Variants in KIF1A observed in about 807,000 individuals in gnomAD.
KIF1A encodes the protein kinesin-like protein KIF1A.
In KIF1A, 46 loss-of-function variants were observed where a neutral mutation model predicts 227.3. The observed-to-expected ratio is 0.20, with a 90% CI of 0.16 to 0.26. KIF1A has a LOEUF of 0.26. Ranked by LOEUF, KIF1A falls within the 10% of genes least tolerant of loss-of-function variation. The pLI is 1.00. For synonymous variants in KIF1A, 1,022 were observed against 1,012.8 expected (o/e 1.01, Z -0.17); for missense variants, 1,683 against 2,485.9 (o/e 0.68, Z 6.87).
At position 240,743,925 on chromosome 2, in the gene KIF1A, C is replaced by T. The variant is rs533159208; in HGVS notation, c.3584+17G>A. ...TTGAGGACAGCAGCCCCGAACCCCC[C>T]GACCCAGGGCGCTAACCTGAGCACG... On this transcript the variant is annotated intron_variant, in intron 33 of 48. Transcript: ENST00000498729. The T allele has an allele frequency of 1.0e-5, 16 of 1,568,408 alleles. No homozygotes were observed. The highest frequency in any genetic ancestry group is 3.3e-4 in the Middle Eastern group (2 of 5,994).
At chr2:240,800,432 A>G in intron 1 of KIF1A, among the ~76,000 whole-genome samples, 1 of 152,176 alleles carries the variant, frequency 6.6e-6, no homozygotes, top group East Asian at 1.9e-4. Flanking sequence ...ATCAGTGTGC[A>G]GCCACAAGCC....
intron 37 of KIF1A, 60 bp from the exon 38 acceptor site, chr2:240,737,228 G>GCT (rs2047438694): frequency 7.3e-7 from 1 of 1,365,408 alleles, no homozygotes; most frequent in Non-Finnish European, 1.0e-6. Flanking sequence ...ACCCTGGGGG[G>GCT]CTGCCTCAGG....
chr2:240,730,923 C>T (rs1050029071), intron 38 of KIF1A, among the ~76,000 whole-genome samples: 1 of 152,216 alleles, frequency 6.6e-6, no homozygotes, highest in African/African-American at 2.4e-5. Flanking sequence ...TGTAGCCTCT[C>T]CACCTCCAGC....
At chr2:240,787,947 G>T in intron 4 of KIF1A, 104 bp downstream of exon 4, 1 of 1,135,286 alleles carries the variant, frequency 8.8e-7, no homozygotes, top group Non-Finnish European at 1.2e-6. Context: ...CTGACTCCCT[G>T]CTCTCTGGGG....
intron 15 of KIF1A, 130 bp downstream of exon 15, chr2:240,770,841 G>A: frequency 8.5e-7 from 1 of 1,174,162 alleles, no homozygotes; most frequent in Non-Finnish European, 1.2e-6. Context: ...CACGCCAGAG[G>A]CTCCTGCTGA....
At chr2:240,807,915 A>G (rs1002520457) in intron 1 of KIF1A, among the ~76,000 whole-genome samples, 1 of 152,218 alleles carries the variant, frequency 6.6e-6, no homozygotes, top group African/African-American at 2.4e-5. Context: ...GAGGCCCTCA[A>G]TAGATACTAA....
At chr2:240,780,145 G>T (rs1426335166) in intron 10 of KIF1A, among the ~76,000 whole-genome samples, 1 of 151,766 alleles carries the variant, frequency 6.6e-6, no homozygotes, top group Non-Finnish European at 1.5e-5. Flanking sequence ...GATCCCCCGA[G>T]TCCCTGACGC....
Position 240,726,933 on chromosome 2 carries a change from A to G in KIF1A, c.4015T>C (p.Tyr1339His). ...CTGTCCCACGCAGCCTCAAATTGGT[A>G]AAAGGTCCTGAAAGGAAGCAGAGAC... ...IHPAQDDRTF[Y>H]QFEAAWDSSM... The change falls in exon 39 of 49, where the codon TAC becomes CAC. Residue 1339 changes from tyrosine (Y) to histidine (H), a missense_variant. By Grantham distance (83) the Tyr-to-His change is moderately conservative. Transcript: ENST00000498729. The surrounding 1 kb of genome is among the most constrained non-coding windows in gnomAD (Gnocchi z 5.2). The G allele has an allele frequency of 6.3e-7, 1 of 1,598,312 alleles. No individual in the cohort carries two copies. The highest frequency in any genetic ancestry group is 8.6e-7 in the Non-Finnish European group (1 of 1,169,014).
At position 240,806,210 on chromosome 2, in the gene KIF1A, A is replaced by G. The variant is rs1205126899; in HGVS notation, c.-60-8398T>C. On this transcript the variant is annotated intron_variant, in intron 1 of 48. Coordinates refer to ENST00000498729, the MANE Select transcript of KIF1A (RefSeq NM_001244008.2). ...GACAGGTTGAGAAGATGGTGGTCAGAGTTTGGGTGGGCAGAGGCAGCTGGA... is the reference window on the plus strand; with the variant it reads ...GACAGGTTGAGAAGATGGTGGTCAGGGTTTGGGTGGGCAGAGGCAGCTGGA... 2.0e-5 allele frequency among the ~76,000 whole-genome samples: 3 copies of G among 152,322 alleles called. No homozygotes were observed. The East Asian group carries it at 5.8e-4, about 29-fold the overall frequency.
intron 7 of KIF1A, among the ~76,000 whole-genome samples, chr2:240,784,060 G>A (rs1023116295): frequency 2.0e-5 from 3 of 152,292 alleles, no homozygotes; most frequent in Non-Finnish European, 4.4e-5. Flanking sequence ...GAGCACGGGC[G>A]CTGCCACCAC....
In KIF1A at chr2:240,767,966, G is replaced by A. The variant is rs1337841913; in HGVS notation, c.1498-621C>T. Among the ~76,000 whole-genome samples the A allele has an allele frequency of 3.3e-5, 5 of 152,208 alleles. No individual in the cohort carries two copies. The East Asian group carries it at 5.8e-4, about 18-fold the overall frequency. On this transcript the variant is annotated intron_variant, in intron 17 of 48. Transcript: ENST00000498729. ...AGAGGTGGAGACCTCGTCACTGGAC[G>A]AAGGGGACAGACCATCCCCAGCTGT...
chr2:240,736,995 G>C lies in KIF1A; in HGVS notation c.4007+68C>G. On this transcript the variant is annotated intron_variant, in intron 38 of 48. Coordinates refer to ENST00000498729, the MANE Select transcript of KIF1A (RefSeq NM_001244008.2). This position sits in a 1 kb window ranked among gnomAD's most constrained non-coding sequence, Gnocchi z 4.7. ...CCTTGTGTGGCTGAACCCTGTGCCG[G>C]GTTGGCTGAGGGCCTGGCAGGCTGG... is the stretch of plus-strand genomic sequence containing the variant. The C allele has an allele frequency of 8.5e-6, 11 of 1,298,544 alleles. No individual in the cohort carries two copies. Among genetic ancestry groups the C allele is most frequent in the Non-Finnish European group, 1.2e-5 (11 of 895,860 alleles). The allele number at this position is 1,298,544 out of a possible 1,614,324, so 80.4% of individuals were successfully genotyped here. A position where few individuals can be genotyped will look rare whatever the true frequency, so the allele number is the denominator to read the frequency against.
In KIF1A at chr2:240,781,431, C is replaced by CCACACA. The variant is rs1207804684; in HGVS notation, c.882+1153_882+1158dup. ...CAGCTCCACACACACACACACAGCT[C>CCACACA]CACACACACACACACACACACACAC... On this transcript the variant is annotated intron_variant, in intron 10 of 48. Transcript: ENST00000498729. 1.3e-3 allele frequency among the ~76,000 whole-genome samples: 28 copies of CCACACA among 21,960 alleles called. 1 individual carries two copies. The highest frequency in any genetic ancestry group is 2.2e-3 in the Non-Finnish European group (27 of 12,478). 14.4% of individuals were successfully genotyped at this position (21,960 alleles called of 152,430 possible). A position where few individuals can be genotyped will look rare whatever the true frequency, so the allele number is the denominator to read the frequency against.
chr2:240,714,419 C>T lies in KIF1A; in HGVS notation c.*2945G>A, dbSNP rs1215926253. ...CTATCTGGAGCCGCAGCGGAAGGAG[C>T]TCCCCCTTTCTGGTGGAGGATGGCT... On this transcript the variant is annotated 3_prime_UTR_variant, in exon 49 of 49. Coordinates refer to ENST00000498729, the MANE Select transcript of KIF1A (RefSeq NM_001244008.2). The T allele has an allele frequency of 3.9e-5, 6 of 152,890 alleles. No homozygotes were observed. Among genetic ancestry groups the T allele is most frequent in the African/African-American group, 1.4e-4 (6 of 41,462 alleles). 9.5% of individuals were successfully genotyped at this position (152,890 alleles called of 1,614,324 possible).
Position 240,769,226 on chromosome 2 carries a change from A to C in KIF1A, c.1422-18T>G. 1 of 1,598,522 alleles carries C rather than the reference A, an allele frequency of 6.3e-7. No individual in the cohort carries two copies. Reference sequence around the variant, plus strand: ...GGGCTTCCCTGGGGGAACAGAGCTGAGGTCAGCACAAGCTCCACAAGGCTT... The same window carrying C: ...GGGCTTCCCTGGGGGAACAGAGCTGCGGTCAGCACAAGCTCCACAAGGCTT... On this transcript the variant is annotated intron_variant, in intron 16 of 48. Transcript: ENST00000498729.
At chr2:240,738,066 T>G (rs1559489239) in intron 37 of KIF1A, among the ~76,000 whole-genome samples, 1 of 152,186 alleles carries the variant, frequency 6.6e-6, no homozygotes, top group Non-Finnish European at 1.5e-5. Context: ...TCTGGGTCCA[T>G]GCTGGGCAGT....
intron 1 of KIF1A, among the ~76,000 whole-genome samples, chr2:240,798,603 A>G (rs2056657539): frequency 6.6e-6 from 1 of 152,144 alleles, no homozygotes; most frequent in Non-Finnish European, 1.5e-5. Flanking sequence ...AGGAACCCCA[A>G]AATGATTTGG....
Position 240,767,249 on chromosome 2 carries a change from G to T in KIF1A, c.1577+17C>A, listed in dbSNP as rs927982776. 5 of 1,599,252 alleles carry T rather than the reference G, an allele frequency of 3.1e-6. No homozygotes were observed. In the African/African-American group the frequency reaches 5.4e-5, roughly 17 times the overall value. ...AGGGCCTGGCCAGGCTGGAGTGGCTGCCAGGTCCCCTCTCACCTGGTGATC... is the reference window on the plus strand; with the variant it reads ...AGGGCCTGGCCAGGCTGGAGTGGCTTCCAGGTCCCCTCTCACCTGGTGATC... On this transcript the variant is annotated intron_variant, in intron 18 of 48. Coordinates refer to ENST00000498729, the MANE Select transcript of KIF1A (RefSeq NM_001244008.2).
At chr2:240,805,050 G>A (rs1575664526) in intron 1 of KIF1A, among the ~76,000 whole-genome samples, 2 of 55,394 alleles carry the variant, frequency 3.6e-5, no homozygotes, top group South Asian at 1.1e-3. Context: ...GGGAAGTGGG[G>A]AGGGAGAGGG....
Sources: gnomAD v4.1 joint callset for allele counts (sites outside exome capture counted in the v4.1 genomes callset) on GRCh38, gnomAD v4.1.1 for gene constraint, Gnocchi (gnomAD v3.1) non-coding constraint, MANE v1.5 for transcripts, NCBI Gene and HGNC (gene_info 2026-07-23, HGNC 2026-07-21) for gene names.